DOK5: variants seen among roughly 807,000 people sequenced by gnomAD.
DOK5 encodes the protein docking protein 5, also known as downstream of tyrosine kinase 5.
DOK5 carries 27 observed loss-of-function variants against 43.3 expected under a neutral mutation model. The ratio of observed to expected loss-of-function variants is 0.62; its 90% confidence interval spans 0.46 to 0.86. The LOEUF (loss-of-function observed/expected upper bound fraction) is 0.86, where lower values mean the gene tolerates loss of function less well. Ranked by LOEUF, DOK5 falls within the 40% of genes least tolerant of loss-of-function variation. The probability of loss-of-function intolerance (pLI) is 0.00; values close to 1 mark genes in which losing one functional copy is unlikely to be tolerated. For missense variants in DOK5, 373 were observed against 392.9 expected (o/e 0.95, Z 0.43); for synonymous variants, 146 against 140.1 (o/e 1.04, Z -0.30).
chr20:54,583,243 G>T (rs1346590694), intron 2 of DOK5, among the ~76,000 whole-genome samples: 1 of 151,626 alleles, frequency 6.6e-6, no homozygotes, highest in Non-Finnish European at 1.5e-5. Context: ...ACTTAATTCT[G>T]TTATTATTTT....
At chr20:54,550,306 C>G (rs942012944) in intron 1 of DOK5, among the ~76,000 whole-genome samples, 1 of 151,868 alleles carries the variant, frequency 6.6e-6, no homozygotes, top group Non-Finnish European at 1.5e-5. Flanking sequence ...ATTAAACATT[C>G]TATTTCAAGA....
chr20:54,555,824 C>T (rs779762732), intron 2 of DOK5, among the ~76,000 whole-genome samples: 22 of 152,160 alleles, frequency 1.4e-4, no homozygotes, highest in Non-Finnish European at 3.2e-4. Context: ...CTTGAAGATT[C>T]TTTAAGCCTC....
intron 2 of DOK5, among the ~76,000 whole-genome samples, chr20:54,579,215 T>C (rs1903772583): frequency 6.6e-6 from 1 of 152,204 alleles, no homozygotes; most frequent in Admixed American, 6.6e-5. Context: ...AGAGAAAACT[T>C]TTCTTATTAC....
At chr20:54,572,738 A>G (rs1397479497) in intron 2 of DOK5, among the ~76,000 whole-genome samples, 1 of 152,054 alleles carries the variant, frequency 6.6e-6, no homozygotes, top group Non-Finnish European at 1.5e-5. Context: ...AGATTATTAG[A>G]TCTTTCCCTT....
intron 2 of DOK5, among the ~76,000 whole-genome samples, chr20:54,575,372 G>A (rs6023367): frequency 0.35 from 53,323 of 152,082 alleles, 14,800 homozygotes; most frequent in African/African-American, 0.77. Flanking sequence ...TGGAAGTTAA[G>A]TATATGAGGA....
intron 1 of DOK5, among the ~76,000 whole-genome samples, chr20:54,527,922 A>G (rs1037894465): frequency 6.6e-6 from 1 of 152,182 alleles, no homozygotes; most frequent in Non-Finnish European, 1.5e-5. Context: ...AAATACACAC[A>G]TATACTGGGC....
At chr20:54,564,242 T>C in intron 2 of DOK5, among the ~76,000 whole-genome samples, 1 of 151,916 alleles carries the variant, frequency 6.6e-6, no homozygotes, top group East Asian at 1.9e-4. Context: ...GCTAACACGG[T>C]GAAACCCCGT....
intron 1 of DOK5, among the ~76,000 whole-genome samples, chr20:54,542,947 A>C (rs1356322255): frequency 6.6e-6 from 1 of 152,210 alleles, no homozygotes; most frequent in Non-Finnish European, 1.5e-5. Flanking sequence ...GAAACTCAGA[A>C]GATGGTAGCT....
chr20:54,485,761 A>G (rs1981908324), intron 1 of DOK5, among the ~76,000 whole-genome samples: 1 of 152,220 alleles, frequency 6.6e-6, no homozygotes, highest in Non-Finnish European at 1.5e-5. Flanking sequence ...GTACCATTTT[A>G]CATTCACATT....
chr20:54,641,153 T>C lies in DOK5; in HGVS notation c.736-2305T>C, dbSNP rs185035501. ...TTTCTACTAGCTTAGTACTTAGCTT[T>C]TGGACCTTTTCATCTAAAAGTTTAT... is the stretch of plus-strand genomic sequence containing the variant. On this transcript the variant is annotated intron_variant, in intron 6 of 7. Transcript: ENST00000262593. 2.4e-3 allele frequency among the ~76,000 whole-genome samples: 364 copies of C among 152,352 alleles called. 3 individuals are homozygous for C. Among genetic ancestry groups the C allele is most frequent in the Non-Finnish European group, 2.6e-3 (175 of 68,022 alleles).
intron 1 of DOK5, among the ~76,000 whole-genome samples, chr20:54,537,096 C>A (rs148612464): frequency 1.3e-5 from 2 of 152,326 alleles, no homozygotes; most frequent in East Asian, 3.9e-4. Context: ...CCCTACCACC[C>A]CAACCCAGCA....
intron 6 of DOK5, among the ~76,000 whole-genome samples, chr20:54,641,091 AT>A (rs1196109136): frequency 1.3e-5 from 2 of 152,216 alleles, no homozygotes. Context: ...TTAAAAATAC[AT>A]TTTAAAAATT....
chr20:54,499,600 T>A (rs1006494510), intron 1 of DOK5, among the ~76,000 whole-genome samples: 2 of 152,230 alleles, frequency 1.3e-5, no homozygotes, highest in Non-Finnish European at 2.9e-5. Flanking sequence ...AGTGGGAGGC[T>A]CTGTGTTTCA....
intron 1 of DOK5, among the ~76,000 whole-genome samples, chr20:54,492,686 T>TTGTGTGTGTGTG (rs34741362): frequency 1.3e-4 from 19 of 141,180 alleles, no homozygotes; most frequent in African/African-American, 4.4e-4. Context: ...GAGTGTGGCT[T>TTGTGTGTGTGTG]TGTGTGTGTG....
intron 1 of DOK5, among the ~76,000 whole-genome samples, chr20:54,476,678 A>G (rs2146650494): frequency 6.6e-6 from 1 of 152,236 alleles, no homozygotes; most frequent in Non-Finnish European, 1.5e-5. Context: ...TTTACGTGGA[A>G]CCTGATACCT....
intron 1 of DOK5, among the ~76,000 whole-genome samples, chr20:54,553,438 G>A (rs1984598584): frequency 6.6e-6 from 1 of 151,662 alleles, no homozygotes; most frequent in Non-Finnish European, 1.5e-5. Flanking sequence ...CTTGTGATCC[G>A]CCGGCCTCGG....
At chr20:54,599,603 T>C (rs999070272) in intron 5 of DOK5, among the ~76,000 whole-genome samples, 4 of 152,212 alleles carry the variant, frequency 2.6e-5, no homozygotes, top group African/African-American at 9.6e-5. Flanking sequence ...CTTCTGTGAT[T>C]TTATTAAATA....
At chr20:54,531,399 T>C (rs957201820) in intron 1 of DOK5, among the ~76,000 whole-genome samples, 6 of 152,224 alleles carry the variant, frequency 3.9e-5, no homozygotes, top group African/African-American at 9.6e-5. Flanking sequence ...AAATTCACTA[T>C]AGATAGAACA....
chr20:54,628,909 T>C (rs1025867328), intron 6 of DOK5, among the ~76,000 whole-genome samples: 2 of 152,216 alleles, frequency 1.3e-5, no homozygotes, highest in Admixed American at 6.5e-5. Context: ...TTTTAGAAAA[T>C]GGATTATCTA....
Sources: allele counts gnomAD v4.1 joint callset (sites outside exome capture counted in the v4.1 genomes callset), GRCh38; gene constraint gnomAD v4.1.1; transcripts MANE v1.5; gene names NCBI Gene and HGNC (gene_info 2026-07-23, HGNC 2026-07-21).